CUBN: variants seen among roughly 807,000 people sequenced by gnomAD.
CUBN encodes cubilin.
Under a neutral mutation model 405.3 loss-of-function variants are expected in CUBN, and 282 were observed. The ratio of observed to expected loss-of-function variants is 0.70; its 90% CI spans 0.63 to 0.77. CUBN has a LOEUF of 0.77. CUBN is among the 30% of genes least tolerant of loss of function. The pLI, the probability that CUBN is intolerant of heterozygous loss-of-function variation, is 0.00. For missense variants in CUBN, 4,514 were observed against 4,475.2 expected, an observed-to-expected ratio of 1.01 and a Z score of -0.25; for synonymous variants, 1,684 against 1,617.0, an observed-to-expected ratio of 1.04 and a Z score of -0.99.
In CUBN at chr10:17,068,212, G is replaced by A. The variant is rs766733151; in HGVS notation, c.2860C>T (p.His954Tyr). 2.4e-5 allele frequency: 39 copies of A among 1,613,610 alleles called. No homozygotes were observed. Among genetic ancestry groups the A allele is most frequent in the Non-Finnish European group, 1.5e-5 (18 of 1,179,712 alleles). Residue 954 changes from histidine to tyrosine, a missense_variant, in exon 21 of 67, where the codon CAC (histidine) becomes TAC (tyrosine). Physicochemically the swap from His to Tyr is moderately conservative, Grantham distance 83. Transcript: ENST00000377833. Reference protein sequence around the residue: ...QSPGHPNVYPHGINCTWHILV... With the variant: ...QSPGHPNVYPYGINCTWHILV... ...ATATGCCAAGTACAGTTGATACCGT[G>A]GGGGTAGACATTTGGATGGCCAGGA...
chr10:16,889,942 A>AAAAAAAAAAAAAAAAAAACAAAACAAAAC (rs1554788548), intron 55 of CUBN, among the ~76,000 whole-genome samples: 6 of 136,316 alleles, frequency 4.4e-5, no homozygotes, highest in African/African-American at 1.8e-4. Flanking sequence ...TGTCAAAAAA[A>AAAAAAAAAAAAAAAAAAACAAAACAAAAC]AAAAAAAAAA....
At chr10:17,046,201 A>G in intron 23 of CUBN, 107 bp from the exon 24 acceptor site, 1 of 986,726 alleles carries the variant, frequency 1.0e-6, no homozygotes, top group Non-Finnish European at 1.6e-6. Context: ...AGTTTATTGG[A>G]TGAAGTAATT....
rs1202535019 is a variant in CUBN at position 17,115,484 on chromosome 10, T to C, written c.707A>G (p.Glu236Gly). ...GAAGGGACCCACCTCTCCAGCTTGCTCTCGCATTAAATCCTCACAGATGCC... is the reference window on the plus strand; with the variant it reads ...GAAGGGACCCACCTCTCCAGCTTGCCCTCGCATTAAATCCTCACAGATGCC... The part of the protein sequence containing the change: ...VHGICEDLMR[E>G]QAGEPKYSCV... Residue 236 changes from glutamate (E) to glycine (G), a missense_variant, in exon 7 of 67, where the codon GAG becomes GGG. Physicochemically the swap from Glu to Gly is moderately conservative, Grantham distance 98. Around this residue, in one of 5 missense-constraint regions of CUBN, gnomAD observed 1,448 missense variants for 1,388.0 expected, o/e 1.04. Coordinates refer to ENST00000377833, the MANE Select transcript of CUBN (RefSeq NM_001081.4). 2.5e-6 allele frequency: 4 copies of C among 1,613,990 alleles called. No individual in the cohort carries two copies. The highest frequency in any genetic ancestry group is 3.4e-6 in the Non-Finnish European group (4 of 1,179,962).
chr10:16,835,902 A>G (rs1839153871), intron 63 of CUBN, among the ~76,000 whole-genome samples: 2 of 152,182 alleles, frequency 1.3e-5, no homozygotes, highest in Non-Finnish European at 2.9e-5. Flanking sequence ...ATAAACATAT[A>G]TATTTCTTGT....
In CUBN at chr10:16,925,232, A is replaced by G; in HGVS notation, c.6646+9T>C. The stretch of plus-strand genomic sequence containing the variant: ...AAAAGCAGATATAATTCTCAGTGAA[A>G]ATACTTACCTAAACTCTTTGCCTCA... On this transcript the variant is annotated intron_variant, in intron 43 of 66. Coordinates refer to ENST00000377833, the MANE Select transcript of CUBN (RefSeq NM_001081.4). 1 of 1,607,152 alleles carries G rather than the reference A, an allele frequency of 6.2e-7. No individual in the cohort carries two copies. Among genetic ancestry groups the G allele is most frequent in the Non-Finnish European group, 8.5e-7 (1 of 1,173,828 alleles).
intron 27 of CUBN, among the ~76,000 whole-genome samples, chr10:17,029,644 T>C (rs1241136540): frequency 1.3e-5 from 2 of 152,202 alleles, no homozygotes; most frequent in Non-Finnish European, 1.5e-5. Context: ...CTCTAAGCTC[T>C]AAGCAAAATG....
chr10:16,865,204 A>G (rs1023509565), intron 59 of CUBN, among the ~76,000 whole-genome samples: 3 of 151,840 alleles, frequency 2.0e-5, no homozygotes, highest in Non-Finnish European at 4.4e-5. Context: ...TCCTGACCTC[A>G]AGTGATCTGC....
At chr10:16,943,526 C>T (rs1842710761) in intron 36 of CUBN, among the ~76,000 whole-genome samples, 1 of 152,194 alleles carries the variant, frequency 6.6e-6, no homozygotes, top group South Asian at 2.1e-4. Context: ...TTTTATTACT[C>T]ATAATATGAT....
rs559822123 is a variant in CUBN, at chr10:16,824,528, C to CT, written c.*446dup. 1.0e-3 allele frequency: 163 copies of CT among 159,750 alleles called. No homozygotes were observed. The highest frequency in any genetic ancestry group is 4.2e-3 in the South Asian group (27 of 6,414). 9.9% of individuals were successfully genotyped at this position (159,750 alleles called of 1,614,324 possible). Reference sequence around the variant, plus strand: ...ATATTGATTCTGGTTTTTTTTGTTTCTTTTTTTTTTGAGATGGAGTCTTGC... The same window carrying CT: ...ATATTGATTCTGGTTTTTTTTGTTTCTTTTTTTTTTTGAGATGGAGTCTTGC... On this transcript the variant is annotated 3_prime_UTR_variant, in exon 67 of 67. Coordinates refer to ENST00000377833, the MANE Select transcript of CUBN (RefSeq NM_001081.4).
intron 14 of CUBN, among the ~76,000 whole-genome samples, chr10:17,095,978 A>T (rs569594881): frequency 1.0e-3 from 155 of 152,250 alleles, no homozygotes; most frequent in African/African-American, 3.7e-3. Flanking sequence ...AAATCCTGTC[A>T]TTTGTGACAA....
At chr10:16,940,281 A>G in intron 36 of CUBN, 44 bp from the exon 37 acceptor site, 1 of 1,545,170 alleles carries the variant, frequency 6.5e-7, no homozygotes, top group Non-Finnish European at 8.9e-7. Flanking sequence ...AATTGAGAGA[A>G]TAGACTTTGG....
chr10:17,063,251 T>A (rs894504598), intron 22 of CUBN, among the ~76,000 whole-genome samples: 1 of 152,158 alleles, frequency 6.6e-6, no homozygotes. Flanking sequence ...CGTCATCTGA[T>A]TGCTATTTAG....
chr10:17,047,040 T>C (rs1446028002), intron 23 of CUBN, among the ~76,000 whole-genome samples: 1 of 152,190 alleles, frequency 6.6e-6, no homozygotes, highest in African/African-American at 2.4e-5. Context: ...TTTTATAATA[T>C]AATTAGATTA....
chr10:16,952,447 C>A (rs1842947636), intron 32 of CUBN, 58 bp from the exon 33 acceptor site: 2 of 1,033,176 alleles, frequency 1.9e-6, no homozygotes, highest in Non-Finnish European at 1.5e-6. Context: ...ACTGACCGTA[C>A]AAAACAATTA....
intron 57 of CUBN, among the ~76,000 whole-genome samples, chr10:16,875,811 G>A (rs1270755210): frequency 1.3e-5 from 2 of 152,312 alleles, no homozygotes; most frequent in East Asian, 3.9e-4. Flanking sequence ...AGGAAAATGA[G>A]AGATTAAAGA....
At chr10:17,034,100 T>C (rs1039118844) in intron 27 of CUBN, among the ~76,000 whole-genome samples, 1 of 152,160 alleles carries the variant, frequency 6.6e-6, no homozygotes, top group African/African-American at 2.4e-5. Context: ...ATGAAATGCA[T>C]GTTATAAAGA....
chr10:16,835,480 A>G (rs879481979), intron 63 of CUBN, among the ~76,000 whole-genome samples: 1 of 152,170 alleles, frequency 6.6e-6, no homozygotes, highest in African/African-American at 2.4e-5. Context: ...CATCCTTTGA[A>G]CTTTTCTGAT....
Position 16,828,694 on chromosome 10 carries a change from C to A in CUBN, c.10764+111G>T, listed in dbSNP as rs45442894. On this transcript the variant is annotated intron_variant, in intron 66 of 66. Coordinates refer to ENST00000377833, the MANE Select transcript of CUBN (RefSeq NM_001081.4). ...GATTGCGCGCACCACTGCACTCCAG[C>A]CTGGGTGACAAGAGCGAGATTCCAT... 10,429 of 869,018 alleles carry A rather than the reference C, an allele frequency of 0.012. 108 individuals carry two copies. The highest frequency in any genetic ancestry group is 0.015 in the Non-Finnish European group (8,182 of 533,132). The allele number at this position is 869,018 out of a possible 1,614,324, so 53.8% of individuals were successfully genotyped here.
chr10:16,997,828 G>A (rs192081488), intron 28 of CUBN, among the ~76,000 whole-genome samples: 136 of 152,258 alleles, frequency 8.9e-4, no homozygotes, highest in Non-Finnish European at 1.5e-3. Context: ...CAGGTATGTG[G>A]CCAAGTGATA....
Sources: gnomAD v4.1 joint callset for allele counts (sites outside exome capture counted in the v4.1 genomes callset) on GRCh38, gnomAD v4.1.1 for gene constraint, gnomAD v4.1.1 regional missense constraint, MANE v1.5 for transcripts, NCBI Gene and HGNC (gene_info 2026-07-23, HGNC 2026-07-21) for gene names.